Variants in PARD3B observed in about 807,000 individuals in gnomAD.
The protein encoded by PARD3B is partitioning defective 3 homolog B.
PARD3B carries 103 observed loss-of-function variants against 130.2 expected under a neutral mutation model. That is an observed-to-expected ratio of 0.79 (90% confidence interval 0.67 to 0.93). The LOEUF (loss-of-function observed/expected upper bound fraction) is 0.93, where lower values mean the gene tolerates loss of function less well. Among genes scored for constraint, PARD3B ranks in the 40% least tolerant of loss-of-function variants. The pLI is 0.00. For synonymous variants in PARD3B, 583 were observed against 553.2 expected, an observed-to-expected ratio of 1.05 and a Z score of -0.76; for missense variants, 1,609 against 1,499.2, an observed-to-expected ratio of 1.07 and a Z score of -1.21.
At position 205,352,104 on chromosome 2, in the gene PARD3B, G is replaced by A. The variant is rs2044016365; in HGVS notation, c.2631-48909G>A. Among the ~76,000 whole-genome samples, 2 of 152,118 alleles carry A rather than the reference G, an allele frequency of 1.3e-5. No individual in the cohort carries two copies. Among genetic ancestry groups the A allele is most frequent in the South Asian group, 2.1e-4 (1 of 4,826 alleles). On this transcript the variant is annotated intron_variant, in intron 18 of 22. Transcript: ENST00000406610. This position sits in a 1 kb window ranked among gnomAD's most constrained non-coding sequence, Gnocchi z 5.2. ...ACTCTCATTACACCACAAGAGCCTT[G>A]GATTTTCTATGTGTATAAAGACGGT...
intron 16 of PARD3B, among the ~76,000 whole-genome samples, chr2:205,270,713 A>C (rs746379307): frequency 1.3e-5 from 2 of 152,212 alleles, no homozygotes; most frequent in African/African-American, 2.4e-5. Flanking sequence ...AGTGGATATC[A>C]GATTGGTTGT....
At chr2:205,064,806 G>C (rs781158622) in intron 4 of PARD3B, among the ~76,000 whole-genome samples, 1 of 152,172 alleles carries the variant, frequency 6.6e-6, no homozygotes, top group Non-Finnish European at 1.5e-5. Context: ...AAAAGTCAGT[G>C]TGCAAATTCA....
rs1326430474 is a variant in PARD3B, at chr2:205,091,517, C to T, written c.505-12909C>T. Among the ~76,000 whole-genome samples, 3 of 152,102 alleles carry T rather than the reference C, an allele frequency of 2.0e-5. No homozygotes were observed. The highest frequency in any genetic ancestry group is 2.9e-5 in the Non-Finnish European group (2 of 68,008). On this transcript the variant is annotated intron_variant, in intron 4 of 22. Coordinates refer to ENST00000406610, the MANE Select transcript of PARD3B (RefSeq NM_001302769.2). This position sits in a 1 kb window ranked among gnomAD's most constrained non-coding sequence, Gnocchi z 4.2. ...GTTGTTTCTAGCAACCACCACCTCT[C>T]CTATTTAGATATGGTCCCACAGAGC...
intron 16 of PARD3B, among the ~76,000 whole-genome samples, chr2:205,278,620 G>A (rs1425057076): frequency 2.0e-5 from 3 of 152,150 alleles, no homozygotes; most frequent in South Asian, 4.1e-4. Context: ...CTGAGCACTC[G>A]AGAGACTTGT....
intron 2 of PARD3B, among the ~76,000 whole-genome samples, chr2:204,920,983 C>T (rs2047655731): frequency 6.6e-6 from 1 of 152,164 alleles, no homozygotes; most frequent in African/African-American, 2.4e-5. Context: ...GCTGGAATAT[C>T]TTGGGCATTA....
In PARD3B at chr2:204,906,494, A is replaced by C. The variant is rs1245168408; in HGVS notation, c.223-58658A>C. On this transcript the variant is annotated intron_variant, in intron 2 of 22. Transcript: ENST00000406610. The surrounding 1 kb of genome is among the most constrained non-coding windows in gnomAD (Gnocchi z 4.3). Reference sequence around the variant, plus strand: ...GTTATATATATGGGCAGTAGACCTTATTATTAACTAGAGAACACATGGTGT... The same window carrying C: ...GTTATATATATGGGCAGTAGACCTTCTTATTAACTAGAGAACACATGGTGT... Among the ~76,000 whole-genome samples the C allele has an allele frequency of 6.6e-6, 1 of 152,194 alleles. No homozygotes were observed. The highest frequency in any genetic ancestry group is 1.5e-5 in the Non-Finnish European group (1 of 68,042).
Position 205,440,794 on chromosome 2 carries a change from T to C in PARD3B, c.3044+122T>C, listed in dbSNP as rs184149064. On this transcript the variant is annotated intron_variant, in intron 20 of 22. Coordinates refer to ENST00000406610, the MANE Select transcript of PARD3B (RefSeq NM_001302769.2). The surrounding 1 kb of genome is among the most constrained non-coding windows in gnomAD (Gnocchi z 4.2). The stretch of plus-strand genomic sequence containing the variant: ...TTAAAACTGAAACGAGTCAGTACCC[T>C]AGACAAGTGCCATCCTTTGACCGAC... 292 of 1,030,398 alleles carry C rather than the reference T, an allele frequency of 2.8e-4. No individual in the cohort carries two copies. The African/African-American group carries it at 4.3e-3, about 15-fold the overall frequency. 63.8% of individuals were successfully genotyped at this position (1,030,398 alleles called of 1,614,324 possible).
chr2:204,920,798 G>T (rs1039289564), intron 2 of PARD3B, among the ~76,000 whole-genome samples: 2 of 152,096 alleles, frequency 1.3e-5, no homozygotes, highest in Non-Finnish European at 2.9e-5. Flanking sequence ...AGACTGCCCT[G>T]CTCCTTTCTT....
intron 2 of PARD3B, among the ~76,000 whole-genome samples, chr2:204,916,881 T>G (rs2047467341): frequency 6.6e-6 from 1 of 152,258 alleles, no homozygotes; most frequent in Non-Finnish European, 1.5e-5. Flanking sequence ...GTCTGACATG[T>G]GTTTATTGAG....
At position 204,610,729 on chromosome 2, in the gene PARD3B, A is replaced by G. The variant is rs1417545346; in HGVS notation, c.120+64610A>G. On this transcript the variant is annotated intron_variant, in intron 1 of 22. Coordinates refer to ENST00000406610, the MANE Select transcript of PARD3B (RefSeq NM_001302769.2). This position sits in a 1 kb window ranked among gnomAD's most constrained non-coding sequence, Gnocchi z 4.1. ...ACAGGTGCCTCTTCTCTCTCTAGAT[A>G]GAAGGAGAAACATCATCTCCCCACC... 6.6e-6 allele frequency among the ~76,000 whole-genome samples: 1 copy of G among 152,188 alleles called. No homozygotes were observed. The highest frequency in any genetic ancestry group is 1.5e-5 in the Non-Finnish European group (1 of 68,030).
chr2:204,801,201 C>T lies in PARD3B; in HGVS notation c.222+114919C>T, dbSNP rs550645352. On this transcript the variant is annotated intron_variant, in intron 2 of 22. Transcript: ENST00000406610. ...TAGGATTGTCTTGGCTATATGGGCT[C>T]TTTTTTGGTTCCATATGAAATTTAA... 3.9e-5 allele frequency among the ~76,000 whole-genome samples: 6 copies of T among 152,194 alleles called. No homozygotes were observed. In the South Asian group the frequency reaches 1.2e-3, roughly 32 times the overall value.
intron 18 of PARD3B, among the ~76,000 whole-genome samples, chr2:205,305,247 A>C (rs1348642980): frequency 1.3e-5 from 2 of 152,122 alleles, no homozygotes; most frequent in African/African-American, 4.8e-5. Flanking sequence ...AATCTCCTAT[A>C]TTTTGGGAAA....
rs115867724 is a variant in PARD3B, at chr2:205,265,036, C to T, written c.2185+19214C>T. ...ACAAAAATTACTTTAACTTTTGCTT[C>T]CCTCGGAACAACCAGGGAAAAATAT... On this transcript the variant is annotated intron_variant, in intron 16 of 22. Coordinates refer to ENST00000406610, the MANE Select transcript of PARD3B (RefSeq NM_001302769.2). The surrounding 1 kb of genome is among the most constrained non-coding windows in gnomAD (Gnocchi z 4.3). Among the ~76,000 whole-genome samples the T allele has an allele frequency of 0.016, 2,318 of 143,880 alleles. 132 individuals are homozygous for T. The highest frequency in any genetic ancestry group is 0.056 in the African/African-American group (2,203 of 39,438). The allele number at this position is 143,880 out of a possible 152,430, so 94.4% of individuals were successfully genotyped here.
chr2:204,653,105 C>A (rs184654239), intron 1 of PARD3B, among the ~76,000 whole-genome samples: 1 of 150,940 alleles, frequency 6.6e-6, no homozygotes, highest in East Asian at 1.9e-4. Context: ...ACAACAGACA[C>A]TGGGATCTTC....
chr2:204,802,242 G>A (rs1022486798), intron 2 of PARD3B, among the ~76,000 whole-genome samples: 1 of 152,156 alleles, frequency 6.6e-6, no homozygotes, highest in African/African-American at 2.4e-5. Context: ...ATGAACAAAA[G>A]CTCATCATCA....
rs2030783646 is a variant in PARD3B at position 205,121,895 on chromosome 2, A to T, written c.1111A>T (p.Met371Leu). ...ATCCTCTCCCTCACTCTCGCCTCTCATGGGATTTGGCAGCAATAAAAATGC... is the reference window on the plus strand; with the variant it reads ...ATCCTCTCCCTCACTCTCGCCTCTCTTGGGATTTGGCAGCAATAAAAATGC... ...KPSSPSLSPL[M>L]GFGSNKNAKK... The change falls in exon 8 of 23, where the codon ATG becomes TTG. Residue 371 changes from methionine (M) to leucine (L), a missense_variant. Physicochemically the swap from Met to Leu is conservative, Grantham distance 15. Coordinates refer to ENST00000406610, the MANE Select transcript of PARD3B (RefSeq NM_001302769.2). The surrounding 1 kb of genome is among the most constrained non-coding windows in gnomAD (Gnocchi z 5.0). 2 of 1,613,914 alleles carry T rather than the reference A, an allele frequency of 1.2e-6. No homozygotes were observed. Among genetic ancestry groups the T allele is most frequent in the Admixed American group, 1.7e-5 (1 of 60,014 alleles).
At chr2:205,262,924 AT>A (rs1224392054) in intron 16 of PARD3B, among the ~76,000 whole-genome samples, 1 of 152,120 alleles carries the variant, frequency 6.6e-6, no homozygotes, top group East Asian at 1.9e-4. Context: ...CAATCAATTC[AT>A]TTCAGAGTAT....
intron 1 of PARD3B, among the ~76,000 whole-genome samples, chr2:204,618,929 C>T (rs2034203650): frequency 6.6e-6 from 1 of 152,110 alleles, no homozygotes; most frequent in African/African-American, 2.4e-5. Flanking sequence ...TTGGTAGTTA[C>T]ATAATAAATA....
At chr2:205,170,139 A>T (rs1465469758) in intron 11 of PARD3B, among the ~76,000 whole-genome samples, 1 of 152,128 alleles carries the variant, frequency 6.6e-6, no homozygotes, top group African/African-American at 2.4e-5. Flanking sequence ...CATGTTGGTC[A>T]GACTGGTCTC....
Sources: gnomAD v4.1 joint callset for allele counts (sites outside exome capture counted in the v4.1 genomes callset) on GRCh38, gnomAD v4.1.1 for gene constraint, Gnocchi (gnomAD v3.1) non-coding constraint, MANE v1.5 for transcripts, NCBI Gene and HGNC (gene_info 2026-07-23, HGNC 2026-07-21) for gene names.